ELFN1: variants seen among roughly 807,000 people sequenced by gnomAD.
ELFN1 encodes the protein extracellular leucine rich repeat and fibronectin type III domain containing 1.
In ELFN1, 6 loss-of-function variants were observed where a neutral mutation model predicts 7.6. The ratio of observed to expected loss-of-function variants is 0.79; its 90% CI spans 0.43 to 1.56. ELFN1 has a LOEUF of 1.56. Among genes scored for constraint, ELFN1 ranks in the 40% most tolerant of loss-of-function variants. ELFN1 has a pLI of 0.01. For synonymous variants in ELFN1, 657 were observed against 588.1 expected, an observed-to-expected ratio of 1.12 and a Z score of -1.70; for missense variants, 1,169 against 1,232.2, an observed-to-expected ratio of 0.95 and a Z score of 0.77.
At chr7:1,707,226 G>C (rs929279821) in intron 2 of ELFN1, among the ~76,000 whole-genome samples, 1 of 152,238 alleles carries the variant, frequency 6.6e-6, no homozygotes, top group Non-Finnish European at 1.5e-5. Context: ...TGGCTGTTCC[G>C]CTTTTGGATG....
chr7:1,686,891 C>G (rs530159252), intron 1 of ELFN1, among the ~76,000 whole-genome samples: 1 of 152,272 alleles, frequency 6.6e-6, no homozygotes, highest in Non-Finnish European at 1.5e-5. Context: ...CCCAGCTAGT[C>G]TACTGGTGTA....
chr7:1,746,902 C>A lies in ELFN1; in HGVS notation c.2306C>A (p.Thr769Asn). ...AGCTACTCCTCCAGCCCCGAGTACA[C>A]CTGCCGGGCCTCCCAGAGCATCTGG... ...SLSYSSSPEY[T>N]CRASQSIWER... Residue 769 changes from threonine (T) to asparagine (N), a missense_variant, in exon 4 of 4, where the codon ACC becomes AAC. Coordinates refer to ENST00000424383, the MANE Select transcript of ELFN1 (RefSeq NM_001128636.4). 8 of 1,547,682 alleles carry A rather than the reference C, an allele frequency of 5.2e-6. No homozygotes were observed. The highest frequency in any genetic ancestry group is 1.2e-5 in the South Asian group (1 of 83,444).
rs533433631 is a variant in ELFN1 at position 1,711,869 on chromosome 7, C to G, written c.-294+2617C>G. ...AGACAGGGCAGTCTGGGGGAGGGGG[C>G]GGCAGCTCGGACCGTGCCAGGAGCC... On this transcript the variant is annotated intron_variant, in intron 3 of 3. Coordinates refer to ENST00000424383, the MANE Select transcript of ELFN1 (RefSeq NM_001128636.4). Among the ~76,000 whole-genome samples, 209 of 152,292 alleles carry G rather than the reference C, an allele frequency of 1.4e-3. 1 individual carries two copies. The highest frequency in any genetic ancestry group is 4.9e-3 in the African/African-American group (204 of 41,568).
Position 1,745,418 on chromosome 7 carries a change from C to T in ELFN1, c.822C>T (p.Arg274=). The change falls in exon 4 of 4, where the codon CGC becomes CGT. Residue 274 remains arginine, a synonymous_variant. Coordinates refer to ENST00000424383, the MANE Select transcript of ELFN1 (RefSeq NM_001128636.4). ...RPASGRSQPG[R]SPPPPPPPEP... ...CATCCGGGCGCTCACAGCCGGGCCG[C>T]TCCCCGCCGCCCCCGCCTCCGCCGG... 6.5e-7 allele frequency: 1 copy of T among 1,539,156 alleles called. No homozygotes were observed. Among genetic ancestry groups the T allele is most frequent in the Non-Finnish European group, 8.7e-7 (1 of 1,146,098 alleles).
chr7:1,714,199 G>T (rs796874407), intron 3 of ELFN1, among the ~76,000 whole-genome samples: 2 of 152,228 alleles, frequency 1.3e-5, no homozygotes, highest in East Asian at 3.9e-4. Context: ...AGATTCCCCA[G>T]CCCCAAGGGA....
At chr7:1,677,972 T>C (rs985048664) in intron 1 of ELFN1, among the ~76,000 whole-genome samples, 3 of 152,072 alleles carry the variant, frequency 2.0e-5, no homozygotes, top group African/African-American at 7.2e-5. Flanking sequence ...CTTATTTTTG[T>C]TCCTTCATTA....
At chr7:1,687,793 A>G (rs1378648852) in intron 1 of ELFN1, among the ~76,000 whole-genome samples, 1 of 152,226 alleles carries the variant, frequency 6.6e-6, no homozygotes, top group African/African-American at 2.4e-5. Context: ...TTTTAGCATT[A>G]CTAGTGAACA....
chr7:1,703,530 C>A (rs1779470426), intron 2 of ELFN1, among the ~76,000 whole-genome samples: 1 of 152,168 alleles, frequency 6.6e-6, no homozygotes, highest in Non-Finnish European at 1.5e-5. Context: ...TAACTGCTTA[C>A]CCCGTCTGGA....
chr7:1,733,450 A>G (rs1780365687), intron 3 of ELFN1, among the ~76,000 whole-genome samples: 1 of 152,050 alleles, frequency 6.6e-6, no homozygotes, highest in Non-Finnish European at 1.5e-5. Context: ...GCGGTAGGAC[A>G]GTAATTGTCT....
intron 2 of ELFN1, among the ~76,000 whole-genome samples, chr7:1,703,031 A>G (rs766770971): frequency 6.6e-6 from 1 of 152,230 alleles, no homozygotes; most frequent in Non-Finnish European, 1.5e-5. Context: ...CAGCACTGCA[A>G]TGCACTGGGA....
intron 1 of ELFN1, among the ~76,000 whole-genome samples, chr7:1,679,150 C>G (rs1778927323): frequency 6.6e-6 from 1 of 151,312 alleles, no homozygotes; most frequent in Non-Finnish European, 1.5e-5. Context: ...CGTGCGCGCA[C>G]ACACACACGC....
At chr7:1,679,951 C>T (rs1161049092) in intron 1 of ELFN1, among the ~76,000 whole-genome samples, 4 of 152,238 alleles carry the variant, frequency 2.6e-5, no homozygotes, top group Admixed American at 6.5e-5. Context: ...AGAGATGGAA[C>T]GGGGAGCAGA....
chr7:1,676,776 G>T (rs1158276889), intron 1 of ELFN1, among the ~76,000 whole-genome samples: 1 of 152,250 alleles, frequency 6.6e-6, no homozygotes, highest in Admixed American at 6.5e-5. Context: ...GGCCGTGGGG[G>T]CTGAGAGGTG....
chr7:1,727,823 A>G (rs1033062427), intron 3 of ELFN1, among the ~76,000 whole-genome samples: 5 of 152,020 alleles, frequency 3.3e-5, no homozygotes, highest in African/African-American at 9.7e-5. Flanking sequence ...GCCCAGTCGG[A>G]TCTTGAACTC....
At chr7:1,744,242 CGTCCCCTGACCGCTGTCTTCTCTCTT>C (rs72191756) in intron 3 of ELFN1, 36 bp from the exon 4 acceptor site, 111,204 of 295,650 alleles carry the variant, frequency 0.38, 19,797 homozygotes, top group East Asian at 0.47. Flanking sequence ...AGATGCCGGC[CGTCCCCTGACCGCTGTCTTCTCTCTT>C]GTCCCCTGAC....
intron 2 of ELFN1, chr7:1,693,191 G>C: frequency 2.6e-6 from 1 of 378,314 alleles, no homozygotes; most frequent in South Asian, 1.9e-5. Flanking sequence ...GGTCCTGGTA[G>C]TGGGCAGTGC....
chr7:1,703,075 A>T (rs896218757), intron 2 of ELFN1, among the ~76,000 whole-genome samples: 4 of 152,104 alleles, frequency 2.6e-5, no homozygotes, highest in African/African-American at 9.7e-5. Context: ...GTTTTTTTAG[A>T]TCATGTCTAC....
intron 3 of ELFN1, among the ~76,000 whole-genome samples, chr7:1,722,328 G>A (rs552441981): frequency 2.7e-5 from 4 of 149,088 alleles, no homozygotes; most frequent in South Asian, 2.1e-4. Flanking sequence ...GTGCAGTGGC[G>A]CGATCTCGGC....
upstream of ELFN1, among the ~76,000 whole-genome samples, chr7:1,666,074 AGCC>A (rs908277705): frequency 6.7e-5 from 10 of 148,758 alleles, no homozygotes; most frequent in East Asian, 4.0e-4. This position sits in a 1 kb window ranked among gnomAD's most constrained non-coding sequence, Gnocchi z 7.9. Flanking sequence ...AAGGAGGGGA[AGCC>A]GCCGCCGCCG....
Sources: allele counts gnomAD v4.1 joint callset (sites outside exome capture counted in the v4.1 genomes callset), GRCh38; gene constraint gnomAD v4.1.1; non-coding constraint Gnocchi (gnomAD v3.1); transcripts MANE v1.5; gene names NCBI Gene and HGNC (gene_info 2026-07-23, HGNC 2026-07-21).